Variants in HHAT observed in about 807,000 individuals in gnomAD.
HHAT encodes hedgehog acyltransferase.
HHAT carries 47 observed loss-of-function variants against 70.8 expected under a neutral mutation model. The ratio of observed to expected loss-of-function variants is 0.66; its 90% CI spans 0.53 to 0.85. The LOEUF (loss-of-function observed/expected upper bound fraction) is 0.85, where lower values mean the gene tolerates loss of function less well. HHAT is among the 40% of genes least tolerant of loss of function. The pLI is 0.00. For missense variants in HHAT, 609 were observed against 604.8 expected (o/e 1.01, Z -0.07); for synonymous variants, 228 against 247.6 (o/e 0.92, Z 0.74).
At chr1:210,576,673 A>G (rs551102142) in intron 9 of HHAT, among the ~76,000 whole-genome samples, 7 of 152,290 alleles carry the variant, frequency 4.6e-5, no homozygotes, top group African/African-American at 1.7e-4. Context: ...TAATAATAAT[A>G]ACATTGAAAA....
intron 9 of HHAT, among the ~76,000 whole-genome samples, chr1:210,573,073 T>G (rs1656737547): frequency 6.6e-6 from 1 of 152,302 alleles, no homozygotes; most frequent in South Asian, 2.1e-4. Flanking sequence ...CCCTCTGCTT[T>G]GATAGAAACC....
chr1:210,540,865 G>C (rs1268225640), intron 9 of HHAT, among the ~76,000 whole-genome samples: 2 of 151,836 alleles, frequency 1.3e-5, no homozygotes, highest in Admixed American at 1.3e-4. Context: ...TTGAGACACA[G>C]TGTATCGCTC....
At chr1:210,568,850 T>A (rs1254817817) in intron 9 of HHAT, among the ~76,000 whole-genome samples, 1 of 152,198 alleles carries the variant, frequency 6.6e-6, no homozygotes, top group Non-Finnish European at 1.5e-5. Flanking sequence ...CCTGTTCTCC[T>A]GCCCCAGTTG....
intron 7 of HHAT, among the ~76,000 whole-genome samples, chr1:210,442,983 A>C (rs1572474081): frequency 6.6e-6 from 1 of 152,102 alleles, no homozygotes. Flanking sequence ...TTATGGTTTT[A>C]GGTCTAACAT....
chr1:210,523,127 G>C (rs971810658), intron 9 of HHAT, among the ~76,000 whole-genome samples: 1 of 151,974 alleles, frequency 6.6e-6, no homozygotes, highest in Non-Finnish European at 1.5e-5. Context: ...ACCCAGCCCT[G>C]ATGCTTCCCC....
At chr1:210,630,677 C>T (rs967217492) in intron 11 of HHAT, among the ~76,000 whole-genome samples, 5 of 152,198 alleles carry the variant, frequency 3.3e-5, no homozygotes, top group Admixed American at 6.5e-5. Context: ...GTGGGGCACA[C>T]CCCGTATCTA....
intron 11 of HHAT, among the ~76,000 whole-genome samples, chr1:210,646,293 A>G (rs1200590493): frequency 6.6e-6 from 1 of 152,222 alleles, no homozygotes; most frequent in African/African-American, 2.4e-5. Flanking sequence ...AAAAGGGACT[A>G]TGCATATTAT....
intron 2 of HHAT, among the ~76,000 whole-genome samples, chr1:210,362,636 G>A (rs752132605): frequency 4.6e-5 from 7 of 152,192 alleles, no homozygotes; most frequent in Non-Finnish European, 1.0e-4. Context: ...CTTATTACAA[G>A]CCAAGTTTCC....
Position 210,413,668 on chromosome 1 carries a change from T to C in HHAT, c.685-4486T>C, listed in dbSNP as rs532860780. Among the ~76,000 whole-genome samples the C allele has an allele frequency of 5.9e-5, 9 of 152,338 alleles. No individual in the cohort carries two copies. The South Asian group carries it at 1.9e-3, about 32-fold the overall frequency. The stretch of plus-strand genomic sequence containing the variant: ...CAATTCAGCCAAGTTCTTTGCTGGT[T>C]CATAACAGGATTGCTTTTCATTCAG... On this transcript the variant is annotated intron_variant, in intron 6 of 11. Transcript: ENST00000261458.
At chr1:210,587,307 T>C (rs1301696093) in intron 9 of HHAT, among the ~76,000 whole-genome samples, 1 of 152,160 alleles carries the variant, frequency 6.6e-6, no homozygotes, top group Non-Finnish European at 1.5e-5. Context: ...ACATCTTACA[T>C]GGCGCCAGGC....
At chr1:210,515,496 G>A (rs1458479976) in intron 9 of HHAT, among the ~76,000 whole-genome samples, 3 of 152,144 alleles carry the variant, frequency 2.0e-5, no homozygotes, top group Admixed American at 1.3e-4. Context: ...GGTGGCTCAC[G>A]CCTGTAATCC....
intron 2 of HHAT, among the ~76,000 whole-genome samples, chr1:210,352,117 G>T (rs1337511686): frequency 6.6e-6 from 1 of 152,180 alleles, no homozygotes; most frequent in African/African-American, 2.4e-5. Context: ...TTCTTGTGTT[G>T]TGATAGCTTC....
intron 6 of HHAT, among the ~76,000 whole-genome samples, chr1:210,407,538 A>G (rs2092380871): frequency 6.6e-6 from 1 of 152,230 alleles, no homozygotes; most frequent in Non-Finnish European, 1.5e-5. Flanking sequence ...CCCAATTTAC[A>G]TACACAAAAT....
chr1:210,384,928 C>T (rs1010042924), intron 3 of HHAT, among the ~76,000 whole-genome samples: 1 of 152,056 alleles, frequency 6.6e-6, no homozygotes, highest in African/African-American at 2.4e-5. Context: ...TGGTCATTTC[C>T]CTTAGGTAAC....
intron 9 of HHAT, among the ~76,000 whole-genome samples, chr1:210,517,558 G>C (rs938716297): frequency 6.6e-6 from 1 of 152,132 alleles, no homozygotes; most frequent in Non-Finnish European, 1.5e-5. Context: ...CTGGGAGTAG[G>C]GACTGAAGAA....
At position 210,674,622 on chromosome 1, in the gene HHAT, G is replaced by A; in HGVS notation, c.*243G>A. Reference sequence around the variant, plus strand: ...TTCCTATTGAGGAAACGGGTCCAGGGCAGTCGTGTGTCTTACCCAGCTACA... The same window carrying A: ...TTCCTATTGAGGAAACGGGTCCAGGACAGTCGTGTGTCTTACCCAGCTACA... On this transcript the variant is annotated 3_prime_UTR_variant, in exon 12 of 12. Coordinates refer to ENST00000261458, the MANE Select transcript of HHAT (RefSeq NM_018194.6). 2.1e-6 allele frequency: 1 copy of A among 486,192 alleles called. No individual in the cohort carries two copies. Among genetic ancestry groups the A allele is most frequent in the Non-Finnish European group, 3.7e-6 (1 of 272,420 alleles). 30.1% of individuals were successfully genotyped at this position (486,192 alleles called of 1,614,324 possible). A position where few individuals can be genotyped will look rare whatever the true frequency, so the allele number is the denominator to read the frequency against.
chr1:210,468,784 G>A (rs941457267), intron 8 of HHAT, among the ~76,000 whole-genome samples: 1 of 152,094 alleles, frequency 6.6e-6, no homozygotes, highest in African/African-American at 2.4e-5. Flanking sequence ...CATGTCTACT[G>A]GGATTGTTGG....
At chr1:210,612,544 A>G (rs1666812310) in intron 10 of HHAT, among the ~76,000 whole-genome samples, 1 of 152,092 alleles carries the variant, frequency 6.6e-6, no homozygotes, top group Non-Finnish European at 1.5e-5. Context: ...TTACTCACTC[A>G]TCCATTGATA....
chr1:210,416,521 A>G (rs2092725690), intron 6 of HHAT, among the ~76,000 whole-genome samples: 1 of 152,208 alleles, frequency 6.6e-6, no homozygotes, highest in Admixed American at 6.5e-5. Context: ...ATTCACTTCA[A>G]ATTTTCCAGC....
Sources: gnomAD v4.1 joint callset for allele counts (sites outside exome capture counted in the v4.1 genomes callset) on GRCh38, gnomAD v4.1.1 for gene constraint, MANE v1.5 for transcripts, NCBI Gene and HGNC (gene_info 2026-07-23, HGNC 2026-07-21) for gene names.